Variants in RNGTT observed in about 807,000 individuals in gnomAD.
RNGTT encodes mRNA-capping enzyme.
Under a neutral mutation model 79.3 loss-of-function variants are expected in RNGTT, and 33 were observed. The ratio of observed to expected loss-of-function variants is 0.42; its 90% confidence interval spans 0.32 to 0.56. The LOEUF is 0.56. Among genes scored for constraint, RNGTT ranks in the 20% least tolerant of loss-of-function variants. RNGTT has a pLI of 0.17. For synonymous variants in RNGTT, 222 were observed against 235.9 expected (o/e 0.94, Z 0.54); for missense variants, 497 against 739.1 (o/e 0.67, Z 3.80).
At chr6:88,647,715 A>AAAAAAAAAAAAAAAAAAAAG (rs531898293) in intron 14 of RNGTT, among the ~76,000 whole-genome samples, 1 of 142,446 alleles carries the variant, frequency 7.0e-6, no homozygotes, top group African/African-American at 3.0e-5. Context: ...AAAAAAAAAA[A>AAAAAAAAAAAAAAAAAAAAG]AAGAAGAAGA....
At chr6:88,799,807 C>A (rs1779726666) in intron 12 of RNGTT, among the ~76,000 whole-genome samples, 1 of 151,746 alleles carries the variant, frequency 6.6e-6, no homozygotes, top group Non-Finnish European at 1.5e-5. Flanking sequence ...ATTTGTCAGG[C>A]CATTTTTCCT....
intron 13 of RNGTT, among the ~76,000 whole-genome samples, chr6:88,726,345 C>A (rs1223948874): frequency 6.9e-6 from 1 of 145,126 alleles, no homozygotes; most frequent in Non-Finnish European, 1.5e-5. Context: ...TTAGAGGAAA[C>A]CTCATTGTGA....
At chr6:88,877,839 T>C (rs1211314029) in intron 8 of RNGTT, among the ~76,000 whole-genome samples, 1 of 152,174 alleles carries the variant, frequency 6.6e-6, no homozygotes, top group East Asian at 1.9e-4. Flanking sequence ...AGGAGCTTTA[T>C]TGTGTCCCAT....
At chr6:88,929,911 T>C (rs1005548993) in intron 2 of RNGTT, among the ~76,000 whole-genome samples, 1 of 140,578 alleles carries the variant, frequency 7.1e-6, no homozygotes, top group African/African-American at 2.7e-5. Flanking sequence ...TACATATGCA[T>C]ATATACACGT....
intron 13 of RNGTT, among the ~76,000 whole-genome samples, chr6:88,746,782 C>T (rs1197202459): frequency 2.0e-5 from 3 of 152,164 alleles, no homozygotes; most frequent in African/African-American, 7.2e-5. Flanking sequence ...CACCCCTGTA[C>T]TAGAATGATT....
intron 14 of RNGTT, among the ~76,000 whole-genome samples, chr6:88,620,471 T>C (rs1192300305): frequency 1.3e-5 from 2 of 152,256 alleles, no homozygotes; most frequent in Non-Finnish European, 2.9e-5. Flanking sequence ...TAGAAGTGAC[T>C]TTTATTTTCT....
Position 88,844,447 on chromosome 6 carries a change from G to A in RNGTT, c.1179C>T (p.His393=), listed in dbSNP as rs762048087. ...CIEREIISPR[H]EKMKTGLIDK... ...CAATGAGCCCAGTCTTCATTTTTTC[G>A]TGTCGAGGACTTATAATTTCTCGTT... Residue 393 remains histidine, a synonymous_variant, in exon 11 of 16, where the codon CAC becomes CAT. Coordinates refer to ENST00000369485, the MANE Select transcript of RNGTT (RefSeq NM_003800.5). 1.2e-4 allele frequency: 201 copies of A among 1,613,560 alleles called. No individual in the cohort carries two copies. Among genetic ancestry groups the A allele is most frequent in the Non-Finnish European group, 6.1e-5 (72 of 1,179,824 alleles).
At chr6:88,757,669 T>C (rs1778066191) in intron 13 of RNGTT, among the ~76,000 whole-genome samples, 1 of 152,196 alleles carries the variant, frequency 6.6e-6, no homozygotes, top group African/African-American at 2.4e-5. Context: ...CAAAATGTTT[T>C]CAAAAGATTT....
chr6:88,624,601 T>A (rs141680618), intron 14 of RNGTT, among the ~76,000 whole-genome samples: 4 of 151,890 alleles, frequency 2.6e-5, no homozygotes, highest in Non-Finnish European at 5.9e-5. Context: ...CCTAAATAAA[T>A]ATAGAACTGA....
At chr6:88,891,015 C>T (rs1192154767) in intron 7 of RNGTT, among the ~76,000 whole-genome samples, 1 of 152,076 alleles carries the variant, frequency 6.6e-6, no homozygotes, top group East Asian at 1.9e-4. Context: ...CAACTTTCTC[C>T]TCAAAAGATA....
chr6:88,844,871 T>C (rs1287305689), intron 10 of RNGTT, among the ~76,000 whole-genome samples: 2 of 152,080 alleles, frequency 1.3e-5, no homozygotes, highest in African/African-American at 4.8e-5. Flanking sequence ...GAGGATCACA[T>C]GAGCCCAGGA....
At chr6:88,852,777 T>C (rs1341451305) in intron 9 of RNGTT, among the ~76,000 whole-genome samples, 1 of 152,146 alleles carries the variant, frequency 6.6e-6, no homozygotes, top group African/African-American at 2.4e-5. Context: ...GAGATTCCAA[T>C]TCATATGGTC....
chr6:88,768,632 C>T (rs1471780769), intron 13 of RNGTT, among the ~76,000 whole-genome samples: 2 of 152,148 alleles, frequency 1.3e-5, no homozygotes, highest in Admixed American at 1.3e-4. Context: ...GTAAAAATTT[C>T]ACAGGATGCA....
chr6:88,868,112 G>T (rs1455533951), intron 8 of RNGTT, among the ~76,000 whole-genome samples: 3 of 148,710 alleles, frequency 2.0e-5, no homozygotes, highest in Non-Finnish European at 3.0e-5. Flanking sequence ...TATCACTATG[G>T]AAAATAGTCT....
chr6:88,734,234 T>G (rs1777209980), intron 13 of RNGTT, among the ~76,000 whole-genome samples: 1 of 152,106 alleles, frequency 6.6e-6, no homozygotes, highest in Admixed American at 6.5e-5. Flanking sequence ...CACAAAGCAC[T>G]GTATTGTTAT....
intron 13 of RNGTT, among the ~76,000 whole-genome samples, chr6:88,749,502 A>C (rs1382073771): frequency 6.6e-6 from 1 of 152,036 alleles, no homozygotes; most frequent in African/African-American, 2.4e-5. Flanking sequence ...ATCAAAATAA[A>C]AGGCAAGAAA....
intron 2 of RNGTT, among the ~76,000 whole-genome samples, chr6:88,930,183 T>C (rs951311862): frequency 3.4e-5 from 5 of 148,306 alleles, no homozygotes; most frequent in Admixed American, 2.0e-4. Context: ...TATATGTATA[T>C]ACATATATAC....
At chr6:88,873,485 A>G (rs1782420365) in intron 8 of RNGTT, among the ~76,000 whole-genome samples, 1 of 152,198 alleles carries the variant, frequency 6.6e-6, no homozygotes, top group Admixed American at 6.5e-5. Flanking sequence ...AAGGAAGAAA[A>G]TAAGAGAACC....
At chr6:88,745,457 C>T (rs1777630023) in intron 13 of RNGTT, among the ~76,000 whole-genome samples, 1 of 152,088 alleles carries the variant, frequency 6.6e-6, no homozygotes, top group Non-Finnish European at 1.5e-5. Flanking sequence ...CACAGAAAAT[C>T]AGCAAAGGGA....
Sources: allele counts gnomAD v4.1 joint callset (sites outside exome capture counted in the v4.1 genomes callset), GRCh38; gene constraint gnomAD v4.1.1; transcripts MANE v1.5; gene names NCBI Gene and HGNC (gene_info 2026-07-23, HGNC 2026-07-21).